PPFIA2: variants seen among roughly 807,000 people sequenced by gnomAD.
The protein encoded by PPFIA2 is liprin-alpha-2.
Under a neutral mutation model 175.5 loss-of-function variants are expected in PPFIA2, and 46 were observed. That is an observed-to-expected ratio of 0.26 (90% CI 0.21 to 0.34). The LOEUF is 0.34. Ranked by LOEUF, PPFIA2 falls within the 10% of genes least tolerant of loss-of-function variation. PPFIA2 has a pLI of 1.00. For synonymous variants in PPFIA2, 568 were observed against 511.4 expected (o/e 1.11, Z -1.49); for missense variants, 1,179 against 1,506.1 (o/e 0.78, Z 3.60).
At chr12:81,285,465 G>A (rs2043098739) in intron 24 of PPFIA2, among the ~76,000 whole-genome samples, 1 of 151,936 alleles carries the variant, frequency 6.6e-6, no homozygotes, top group African/African-American at 2.4e-5. Flanking sequence ...CATATAAATT[G>A]ATGAGTATAA....
chr12:81,636,090 T>G (rs2063975459), intron 4 of PPFIA2, among the ~76,000 whole-genome samples: 1 of 152,182 alleles, frequency 6.6e-6, no homozygotes, highest in African/African-American at 2.4e-5. Flanking sequence ...ACACTCACTG[T>G]TAAATGTGAA....
chr12:81,424,621 C>T (rs777306640), intron 7 of PPFIA2, among the ~76,000 whole-genome samples: 1 of 152,106 alleles, frequency 6.6e-6, no homozygotes, highest in Non-Finnish European at 1.5e-5. Flanking sequence ...TTGTATATGG[C>T]CATGAAAATA....
At chr12:81,389,401 A>G (rs1240956775) in intron 8 of PPFIA2, among the ~76,000 whole-genome samples, 1 of 151,644 alleles carries the variant, frequency 6.6e-6, no homozygotes, top group Non-Finnish European at 1.5e-5. Flanking sequence ...CAATTAAAAT[A>G]AAACGCTTTT....
intron 24 of PPFIA2, among the ~76,000 whole-genome samples, chr12:81,291,995 A>G (rs924259884): frequency 6.6e-6 from 1 of 152,140 alleles, no homozygotes; most frequent in East Asian, 1.9e-4. Flanking sequence ...ATTGAATGTT[A>G]ATTAATATGG....
chr12:81,263,843 G>A (rs2036412250), intron 30 of PPFIA2, among the ~76,000 whole-genome samples: 1 of 152,072 alleles, frequency 6.6e-6, no homozygotes, highest in Admixed American at 6.6e-5. Flanking sequence ...TTTATTTTGG[G>A]GAAATCTATA....
chr12:81,551,194 G>C (rs1159150697), intron 4 of PPFIA2, among the ~76,000 whole-genome samples: 1 of 151,870 alleles, frequency 6.6e-6, no homozygotes, highest in African/African-American at 2.4e-5. Context: ...GCATGTAGCA[G>C]ATGTTCAATA....
At chr12:81,751,395 C>A in intron 3 of PPFIA2, among the ~76,000 whole-genome samples, 1 of 145,954 alleles carries the variant, frequency 6.9e-6, no homozygotes, top group Non-Finnish European at 1.5e-5. Context: ...CTATACTTAT[C>A]ATGAGACTAT....
chr12:81,377,424 T>A (rs1019134007), intron 9 of PPFIA2, among the ~76,000 whole-genome samples: 13 of 151,844 alleles, frequency 8.6e-5, no homozygotes, highest in Non-Finnish European at 1.6e-4. Flanking sequence ...TCATGGCTCA[T>A]GCCTGTAATC....
chr12:81,344,628 T>C (rs745874497), intron 19 of PPFIA2, 36 bp downstream of exon 19: 3 of 1,452,158 alleles, frequency 2.1e-6, no homozygotes, highest in Admixed American at 4.1e-5. Flanking sequence ...TAAAACAGTA[T>C]TCAATTCGTA....
chr12:81,280,701 T>C (rs1355283315), intron 27 of PPFIA2, among the ~76,000 whole-genome samples: 1 of 152,144 alleles, frequency 6.6e-6, no homozygotes, highest in Non-Finnish European at 1.5e-5. Context: ...CATTGCCTTT[T>C]GTTCAACTGC....
At chr12:81,720,622 A>G (rs772920038) in intron 3 of PPFIA2, among the ~76,000 whole-genome samples, 7 of 151,316 alleles carry the variant, frequency 4.6e-5, no homozygotes, top group Non-Finnish European at 8.9e-5. Flanking sequence ...GGCTGCCTCA[A>G]TTCTCTGACC....
At chr12:81,400,124 G>A (rs1408864762) in intron 8 of PPFIA2, among the ~76,000 whole-genome samples, 1 of 152,114 alleles carries the variant, frequency 6.6e-6, no homozygotes, top group African/African-American at 2.4e-5. Flanking sequence ...TTTAAAATAG[G>A]ATGAGATATT....
chr12:81,394,995 T>G (rs2040851527), intron 8 of PPFIA2, among the ~76,000 whole-genome samples: 1 of 152,030 alleles, frequency 6.6e-6, no homozygotes, highest in Non-Finnish European at 1.5e-5. Flanking sequence ...TTTACAAGCT[T>G]TATATGTCTT....
intron 3 of PPFIA2, among the ~76,000 whole-genome samples, chr12:81,682,253 G>A (rs1157580110): frequency 6.6e-6 from 1 of 151,948 alleles, no homozygotes; most frequent in Non-Finnish European, 1.5e-5. Context: ...ACTGAGCAAA[G>A]GCCATATGAG....
intron 4 of PPFIA2, among the ~76,000 whole-genome samples, chr12:81,503,223 T>C (rs2060780939): frequency 6.6e-6 from 1 of 152,092 alleles, no homozygotes; most frequent in Non-Finnish European, 1.5e-5. Context: ...TTTTTAAATT[T>C]TTTTATTTTT....
In PPFIA2 at chr12:81,562,029, T is replaced by TA. The variant is rs200926436; in HGVS notation, c.304-104164dup. On this transcript the variant is annotated intron_variant, in intron 4 of 32. Transcript: ENST00000549396. The stretch of plus-strand genomic sequence containing the variant: ...GTCAGAAAACAGGTATCATCAAAGA[T>TA]AAAAATCATTTAATAAGTTAATATT... 2.6e-5 allele frequency among the ~76,000 whole-genome samples: 4 copies of TA among 152,316 alleles called. No individual in the cohort carries two copies. The East Asian group carries it at 7.7e-4, about 29-fold the overall frequency.
At chr12:81,296,025 G>C (rs71466013) in intron 23 of PPFIA2, among the ~76,000 whole-genome samples, 7 of 149,650 alleles carry the variant, frequency 4.7e-5, no homozygotes, top group Non-Finnish European at 8.9e-5. Flanking sequence ...AAAAAATGAG[G>C]CCAGGCGCGG....
chr12:81,311,337 G>A (rs1010562625), intron 22 of PPFIA2, among the ~76,000 whole-genome samples: 10 of 152,134 alleles, frequency 6.6e-5, no homozygotes, highest in African/African-American at 1.9e-4. Flanking sequence ...ATATGTAAAA[G>A]CTCTCCAGGG....
intron 4 of PPFIA2, among the ~76,000 whole-genome samples, chr12:81,658,740 T>C (rs1358858597): frequency 3.3e-5 from 5 of 151,992 alleles, no homozygotes; most frequent in Admixed American, 1.3e-4. Flanking sequence ...AAGGGTTGTA[T>C]ATAAATGCCT....
Sources: allele counts gnomAD v4.1 joint callset (sites outside exome capture counted in the v4.1 genomes callset), GRCh38; gene constraint gnomAD v4.1.1; transcripts MANE v1.5; gene names NCBI Gene and HGNC (gene_info 2026-07-23, HGNC 2026-07-21).